TTC6: variants seen among roughly 807,000 people sequenced by gnomAD.
The protein encoded by TTC6 is tetratricopeptide repeat domain 6, also known as tetratricopeptide repeat protein 6.
In TTC6, 172 loss-of-function variants were observed where a neutral mutation model predicts 210.4. The observed-to-expected ratio is 0.82, with a 90% confidence interval of 0.72 to 0.93. The LOEUF is 0.93. Among genes scored for constraint, TTC6 ranks in the 40% least tolerant of loss-of-function variants. The probability of loss-of-function intolerance (pLI) is 0.00; values close to 1 mark genes in which losing one functional copy is unlikely to be tolerated. For synonymous variants in TTC6, 804 were observed against 819.6 expected (o/e 0.98, Z 0.32); for missense variants, 2,414 against 2,318.1 (o/e 1.04, Z -0.85).
At chr14:37,779,291 A>G (rs1206300678) in intron 14 of TTC6, among the ~76,000 whole-genome samples, 1 of 152,140 alleles carries the variant, frequency 6.6e-6, no homozygotes. Flanking sequence ...ATCTGCTGCG[A>G]GTGCCAGTCT....
At position 37,765,355 on chromosome 14, in the gene TTC6, C is replaced by A. The variant is rs185548750; in HGVS notation, c.3266+12120C>A. On this transcript the variant is annotated intron_variant, in intron 14 of 30. Coordinates refer to ENST00000553443, the Ensembl canonical transcript of TTC6. ...TTTTTTTTTTTTTTTTGTAGAGAGG[C>A]ACAAAATTTAAATTAAAAAAAAAAT... is the stretch of plus-strand genomic sequence containing the variant. 1.9e-3 allele frequency among the ~76,000 whole-genome samples: 269 copies of A among 140,094 alleles called. 2 individuals carry two copies. Among genetic ancestry groups the A allele is most frequent in the Admixed American group, 3.5e-3 (47 of 13,488 alleles). 91.9% of individuals were successfully genotyped at this position (140,094 alleles called of 152,430 possible). A position where few individuals can be genotyped will look rare whatever the true frequency, so the allele number is the denominator to read the frequency against.
chr14:37,771,772 A>G (rs778108264), intron 14 of TTC6, among the ~76,000 whole-genome samples: 1 of 152,014 alleles, frequency 6.6e-6, no homozygotes, highest in African/African-American at 2.4e-5. Flanking sequence ...GCTCAGAGTA[A>G]TTTGATCGTC....
At chr14:37,826,372 A>G (rs372637534) in intron 28 of TTC6, 25 bp downstream of exon 30, 27 of 1,561,316 alleles carry the variant, frequency 1.7e-5, no homozygotes, top group Admixed American at 7.9e-5. Flanking sequence ...AGATTATATT[A>G]TTATTAGCAT....
At chr14:37,769,691 C>T (rs926996493) in intron 14 of TTC6, among the ~76,000 whole-genome samples, 2,358 of 150,168 alleles carry the variant, frequency 0.016, 65 homozygotes, top group African/African-American at 0.054. Context: ...ATTCTTCTCT[C>T]TTTTTTTCTT....
At chr14:37,605,746 G>A (rs141543504) in intron 1 of TTC6, among the ~76,000 whole-genome samples, 53 of 152,144 alleles carry the variant, frequency 3.5e-4, no homozygotes, top group Non-Finnish European at 1.5e-4. Context: ...GCCCTTTGGA[G>A]GTGTAAAGTG....
At chr14:37,604,566 C>T (rs1335762427) in intron 1 of TTC6, among the ~76,000 whole-genome samples, 1 of 151,996 alleles carries the variant, frequency 6.6e-6, no homozygotes, top group Non-Finnish European at 1.5e-5. Context: ...AACTTGTAGG[C>T]GTTGGGTGTC....
chr14:37,752,489 A>C (rs1277358258), intron 13 of TTC6, among the ~76,000 whole-genome samples: 2 of 148,040 alleles, frequency 1.4e-5, no homozygotes, highest in Non-Finnish European at 3.0e-5. Flanking sequence ...AATGCAGTAC[A>C]TTGAGGTCAA....
At chr14:37,766,280 A>G (rs1177653703) in intron 14 of TTC6, among the ~76,000 whole-genome samples, 1 of 152,150 alleles carries the variant, frequency 6.6e-6, no homozygotes, top group Non-Finnish European at 1.5e-5. Flanking sequence ...TTTGTGTCAC[A>G]GGGGTTTGGT....
intron 25 of TTC6, among the ~76,000 whole-genome samples, chr14:37,814,083 C>G (rs1208061324): frequency 6.6e-6 from 1 of 152,160 alleles, no homozygotes; most frequent in Non-Finnish European, 1.5e-5. Context: ...CAAGTTATTC[C>G]TTTGCTCAAA....
chr14:37,663,694 G>A (rs2095742035), intron 1 of TTC6, among the ~76,000 whole-genome samples: 1 of 152,130 alleles, frequency 6.6e-6, no homozygotes, highest in Admixed American at 6.6e-5. Flanking sequence ...ATGAAAGTTA[G>A]TATGAGGTTC....
chr14:37,666,186 T>C (rs1022323501), intron 1 of TTC6, among the ~76,000 whole-genome samples: 7 of 150,190 alleles, frequency 4.7e-5, no homozygotes, highest in Non-Finnish European at 7.5e-5. Context: ...GCACCCTCCA[T>C]TGGCCTTCAT....
At chr14:37,825,712 C>A (rs1478713660) in intron 27 of TTC6, among the ~76,000 whole-genome samples, 1 of 152,136 alleles carries the variant, frequency 6.6e-6, no homozygotes, top group East Asian at 1.9e-4. Context: ...CAGATGCTGG[C>A]GTGATTTATC....
chr14:37,706,698 G>A (rs562127512), intron 5 of TTC6, among the ~76,000 whole-genome samples: 2 of 152,146 alleles, frequency 1.3e-5, no homozygotes, highest in South Asian at 4.1e-4. Context: ...AATTTTTTCT[G>A]CGTGTGTGGG....
exon 11 of TTC6, chr14:37,749,131 T>C (rs1363199747): frequency 2.6e-6 from 4 of 1,535,598 alleles, no homozygotes; most frequent in Non-Finnish European, 3.5e-6. Flanking sequence ...AGTACAAAGA[T>C]GCGAGCATAC....
chr14:37,774,596 A>G (rs538147267), intron 14 of TTC6, among the ~76,000 whole-genome samples: 14 of 152,292 alleles, frequency 9.2e-5, no homozygotes, highest in Admixed American at 2.0e-4. Context: ...CTACTTGCTC[A>G]TGGTGGATTA....
intron 1 of TTC6, among the ~76,000 whole-genome samples, chr14:37,639,239 A>G (rs1194137952): frequency 6.6e-6 from 1 of 152,204 alleles, no homozygotes; most frequent in Non-Finnish European, 1.5e-5. Flanking sequence ...GAAGGTATAA[A>G]TCAAATAACC....
intron 24 of TTC6, among the ~76,000 whole-genome samples, chr14:37,810,422 G>A (rs113118037): frequency 1.2e-4 from 19 of 152,278 alleles, no homozygotes; most frequent in African/African-American, 2.6e-4. Flanking sequence ...ACTGAATTAC[G>A]ATAATAAAAT....
At chr14:37,635,037 TAAAC>T (rs1217535451) in intron 1 of TTC6, among the ~76,000 whole-genome samples, 1 of 152,160 alleles carries the variant, frequency 6.6e-6, no homozygotes, top group Non-Finnish European at 1.5e-5. Flanking sequence ...AAGAACATAA[TAAAC>T]AAAACTATGG....
At chr14:37,762,901 G>C (rs1284663182) in intron 14 of TTC6, among the ~76,000 whole-genome samples, 2 of 119,540 alleles carry the variant, frequency 1.7e-5, no homozygotes, top group Non-Finnish European at 3.4e-5. Context: ...TTTTTTTTGA[G>C]ACGGAGTCTG....
Sources: allele counts gnomAD v4.1 joint callset (sites outside exome capture counted in the v4.1 genomes callset), GRCh38; gene constraint gnomAD v4.1.1; transcripts MANE v1.5; gene names NCBI Gene and HGNC (gene_info 2026-07-23, HGNC 2026-07-21).